Variants in DTNB observed in about 807,000 individuals in gnomAD.
DTNB encodes dystrobrevin beta, also known as DTN-B.
A neutral mutation model predicts 90.7 loss-of-function variants in DTNB; 63 were observed. The observed-to-expected ratio is 0.69, with a 90% confidence interval of 0.57 to 0.86. The LOEUF (loss-of-function observed/expected upper bound fraction) is 0.86. Ranked by LOEUF, DTNB falls within the 40% of genes least tolerant of loss-of-function variation. The pLI is 0.00. For synonymous variants in DTNB, 277 were observed against 286.7 expected (o/e 0.97, Z 0.34); for missense variants, 744 against 807.1 (o/e 0.92, Z 0.95).
intron 8 of DTNB, among the ~76,000 whole-genome samples, chr2:25,533,021 T>C (rs773677840): frequency 2.4e-4 from 36 of 152,186 alleles, no homozygotes; most frequent in Admixed American, 1.4e-3. Flanking sequence ...CCCGTCAACA[T>C]ACTAAATTCT....
At chr2:25,659,218 G>A (rs1039243009) in intron 1 of DTNB, among the ~76,000 whole-genome samples, 1 of 152,184 alleles carries the variant, frequency 6.6e-6, no homozygotes, top group Non-Finnish European at 1.5e-5. Context: ...GTAGTGGAAG[G>A]ACTGAGCAAC....
At position 25,628,304 on chromosome 2, in the gene DTNB, T is replaced by G; in HGVS notation, c.229A>C (p.Ser77Arg). The change falls in exon 4 of 21, where the codon AGT (serine) becomes CGT (arginine). Residue 77 changes from serine to arginine, a missense_variant. Physicochemically the swap from Ser to Arg is moderately radical, Grantham distance 110. Transcript: ENST00000406818. ...ATGACAGTTTCGAGGCGGGACACAC[T>G]GATCTCGGTGGTATGGTCCAGTGTA... is the stretch of plus-strand genomic sequence containing the variant. Reference protein sequence around the residue: ...LNTLDHTTEISVSRLETVISS... With the variant: ...LNTLDHTTEIRVSRLETVISS... 6.2e-7 allele frequency: 1 copy of G among 1,613,618 alleles called. No homozygotes were observed. The highest frequency in any genetic ancestry group is 8.5e-7 in the Non-Finnish European group (1 of 1,179,828).
chr2:25,617,494 C>G (rs886617788), intron 4 of DTNB, among the ~76,000 whole-genome samples: 1 of 152,138 alleles, frequency 6.6e-6, no homozygotes, highest in Admixed American at 6.5e-5. Flanking sequence ...TTTAGGTTCA[C>G]AGTTAGTGCT....
At chr2:25,663,894 T>A (rs1408059563) in intron 1 of DTNB, among the ~76,000 whole-genome samples, 2 of 152,180 alleles carry the variant, frequency 1.3e-5, no homozygotes, top group Non-Finnish European at 2.9e-5. Flanking sequence ...AGAACAAGAG[T>A]TTATGACTTT....
At chr2:25,522,529 T>C (rs866610854) in intron 9 of DTNB, among the ~76,000 whole-genome samples, 73 of 152,294 alleles carry the variant, frequency 4.8e-4, no homozygotes, top group African/African-American at 1.6e-3. Context: ...GTCCAGCCTT[T>C]GTGGAGTTTA....
intron 9 of DTNB, among the ~76,000 whole-genome samples, chr2:25,528,519 T>C (rs1012240955): frequency 6.6e-6 from 1 of 152,182 alleles, no homozygotes; most frequent in Non-Finnish European, 1.5e-5. Flanking sequence ...TAATTATTTA[T>C]AGAAAATTCA....
intron 9 of DTNB, among the ~76,000 whole-genome samples, chr2:25,496,767 C>T (rs928141779): frequency 1.8e-4 from 27 of 151,018 alleles, no homozygotes; most frequent in African/African-American, 5.6e-4. Flanking sequence ...CGCTTGAACC[C>T]GGGAGGCCGA....
At chr2:25,512,913 G>C (rs1265229877) in intron 9 of DTNB, among the ~76,000 whole-genome samples, 1 of 152,216 alleles carries the variant, frequency 6.6e-6, no homozygotes. Context: ...GGTGGGTCCC[G>C]ATTACACAGG....
In DTNB at chr2:25,531,507, G is replaced by C. The variant is rs769142218; in HGVS notation, c.967C>G (p.Gln323Glu). Residue 323 changes from glutamine (Q) to glutamate (E), a missense_variant, in exon 9 of 21, where the codon CAA becomes GAA. Physicochemically the swap from Gln to Glu is conservative, Grantham distance 29. Coordinates refer to ENST00000406818, the MANE Select transcript of DTNB (RefSeq NM_021907.5). Reference sequence around the variant, plus strand: ...GCAAGGTCAAGTGGTTTCTCTGGTTGCTCAGGAAAAACAGGATGCGGGGGT... The same window carrying C: ...GCAAGGTCAAGTGGTTTCTCTGGTTCCTCAGGAAAAACAGGATGCGGGGGT... ...REPPHPVFPE[Q>E]PEKPLDLAHI... 49 of 1,613,830 alleles carry C rather than the reference G, an allele frequency of 3.0e-5. No homozygotes were observed. Among genetic ancestry groups the C allele is most frequent in the Admixed American group, 5.0e-5 (3 of 59,994 alleles).
At chr2:25,380,165 CTA>C (rs1334830920) in intron 19 of DTNB, among the ~76,000 whole-genome samples, 3 of 152,326 alleles carry the variant, frequency 2.0e-5, no homozygotes, top group Non-Finnish European at 2.9e-5. Context: ...ATCGAGCAGA[CTA>C]TGTTTGCCTG....
intron 12 of DTNB, 41 bp from the exon 13 acceptor site, chr2:25,434,036 T>C (rs1574396077): frequency 6.5e-7 from 1 of 1,541,222 alleles, no homozygotes; most frequent in Non-Finnish European, 8.9e-7. Context: ...TTTTTTCTGA[T>C]CCAAATATAC....
intron 8 of DTNB, among the ~76,000 whole-genome samples, chr2:25,573,763 C>T (rs2060235545): frequency 6.6e-6 from 1 of 152,170 alleles, no homozygotes; most frequent in African/African-American, 2.4e-5. Flanking sequence ...TCAGTTTCCT[C>T]ATCAAGTGTG....
chr2:25,584,543 C>T (rs2062051499), intron 6 of DTNB, among the ~76,000 whole-genome samples: 1 of 150,828 alleles, frequency 6.6e-6, no homozygotes, highest in Non-Finnish European at 1.5e-5. Flanking sequence ...ACTTAGTTTT[C>T]TTTTATTTCT....
intron 9 of DTNB, among the ~76,000 whole-genome samples, chr2:25,528,900 T>C (rs1364100586): frequency 6.6e-6 from 1 of 152,164 alleles, no homozygotes; most frequent in Non-Finnish European, 1.5e-5. Context: ...AAAAAGATAT[T>C]TAAATAAATG....
intron 8 of DTNB, among the ~76,000 whole-genome samples, chr2:25,546,440 C>T (rs2082425658): frequency 6.6e-6 from 1 of 152,064 alleles, no homozygotes; most frequent in African/African-American, 2.4e-5. Flanking sequence ...TTTTTTGTAC[C>T]TTCTCTGGGC....
intron 10 of DTNB, among the ~76,000 whole-genome samples, chr2:25,472,455 G>C (rs1215394477): frequency 6.6e-6 from 1 of 152,196 alleles, no homozygotes; most frequent in Non-Finnish European, 1.5e-5. Flanking sequence ...GGACGAGGTA[G>C]GGCTGGAAGG....
At chr2:25,671,957 C>G (rs925283112) in intron 1 of DTNB, among the ~76,000 whole-genome samples, 2 of 151,990 alleles carry the variant, frequency 1.3e-5, no homozygotes, top group African/African-American at 4.8e-5. Context: ...ACCCAAGAAC[C>G]AGGACCAAAA....
At chr2:25,395,738 T>C (rs931295110) in intron 16 of DTNB, among the ~76,000 whole-genome samples, 1 of 152,124 alleles carries the variant, frequency 6.6e-6, no homozygotes, top group Non-Finnish European at 1.5e-5. Context: ...ATAAAGGTAC[T>C]TCCAGTGAGC....
At chr2:25,386,478 C>T (rs1269648029) in intron 18 of DTNB, among the ~76,000 whole-genome samples, 1 of 152,184 alleles carries the variant, frequency 6.6e-6, no homozygotes, top group Non-Finnish European at 1.5e-5. Flanking sequence ...TGTGAGTGAC[C>T]TACAGCGCTT....
Sources: allele counts gnomAD v4.1 joint callset (sites outside exome capture counted in the v4.1 genomes callset), GRCh38; gene constraint gnomAD v4.1.1; transcripts MANE v1.5; gene names NCBI Gene and HGNC (gene_info 2026-07-23, HGNC 2026-07-21).